PTPRD: variants seen among roughly 807,000 people sequenced by gnomAD.
The protein encoded by PTPRD is receptor-type tyrosine-protein phosphatase delta.
In PTPRD, 34 loss-of-function variants were observed where a neutral mutation model predicts 214.5. The ratio of observed to expected loss-of-function variants is 0.16; its 90% CI spans 0.12 to 0.21. The LOEUF is 0.21. PTPRD is among the 10% of genes least tolerant of loss of function. PTPRD has a pLI of 1.00. For missense variants in PTPRD, 2,545 were observed against 2,398.7 expected (o/e 1.06, Z -1.27); for synonymous variants, 1,128 against 845.7 (o/e 1.33, Z -5.79).
chr9:9,529,657 C>G (rs1220039850), intron 8 of PTPRD, among the ~76,000 whole-genome samples: 1 of 151,932 alleles, frequency 6.6e-6, no homozygotes, highest in Non-Finnish European at 1.5e-5. Context: ...TGAAGATAAA[C>G]AGCAACTCTC....
intron 2 of PTPRD, among the ~76,000 whole-genome samples, chr9:10,384,671 T>C (rs2097882384): frequency 1.3e-5 from 2 of 150,734 alleles, no homozygotes; most frequent in Non-Finnish European, 3.0e-5. Context: ...GTATAAGAAA[T>C]AAGAACGTTT....
At chr9:9,099,010 G>T (rs943767276) in intron 10 of PTPRD, among the ~76,000 whole-genome samples, 5 of 152,204 alleles carry the variant, frequency 3.3e-5, no homozygotes, top group African/African-American at 1.2e-4. Flanking sequence ...TGATAAAATT[G>T]AATGGGTAAT....
intron 11 of PTPRD, among the ~76,000 whole-genome samples, chr9:8,874,951 G>C (rs995160597): frequency 6.6e-6 from 1 of 152,150 alleles, no homozygotes; most frequent in Non-Finnish European, 1.5e-5. Context: ...TGGATGCAGA[G>C]GAGATTCACT....
At chr9:9,137,663 A>G (rs1466923917) in intron 10 of PTPRD, among the ~76,000 whole-genome samples, 2 of 152,174 alleles carry the variant, frequency 1.3e-5, no homozygotes, top group Non-Finnish European at 2.9e-5. Flanking sequence ...TAACAAATTT[A>G]TTAAGCAAAA....
At chr9:9,114,724 A>C (rs1459061459) in intron 10 of PTPRD, among the ~76,000 whole-genome samples, 2 of 152,128 alleles carry the variant, frequency 1.3e-5, no homozygotes, top group Non-Finnish European at 1.5e-5. Flanking sequence ...AAATCAATGT[A>C]ACCCTTTTGC....
At chr9:8,983,839 T>G (rs2099326494) in intron 11 of PTPRD, among the ~76,000 whole-genome samples, 1 of 152,036 alleles carries the variant, frequency 6.6e-6, no homozygotes, top group South Asian at 2.1e-4. Context: ...AATCTCATCT[T>G]TACTATAACT....
At chr9:8,500,557 T>TAAAAAAAAA (rs2097373324) in intron 24 of PTPRD, among the ~76,000 whole-genome samples, 197 bp downstream of exon 24, 2 of 4,340 alleles carry the variant, frequency 4.6e-4, no homozygotes, top group African/African-American at 1.6e-3. Context: ...TTGAAAAAAA[T>TAAAAAAAAA]GAAAAAAAAA....
intron 9 of PTPRD, among the ~76,000 whole-genome samples, chr9:9,228,107 T>C (rs12336488): frequency 0.26 from 39,684 of 152,042 alleles, 5,940 homozygotes; most frequent in Middle Eastern, 0.35. Context: ...AATGTACAAA[T>C]ATAGATGAAT....
intron 9 of PTPRD, among the ~76,000 whole-genome samples, chr9:9,366,783 T>C (rs2058007891): frequency 1.3e-5 from 2 of 151,448 alleles, no homozygotes; most frequent in East Asian, 3.9e-4. Flanking sequence ...CAAAATAAGG[T>C]CCTCATTATT....
intron 10 of PTPRD, among the ~76,000 whole-genome samples, chr9:9,148,300 G>A (rs953881941): frequency 6.6e-6 from 1 of 152,066 alleles, no homozygotes; most frequent in African/African-American, 2.4e-5. Context: ...TTTGGAAGCT[G>A]AATCTCAGTG....
chr9:9,384,375 T>TTTTTTTC, intron 9 of PTPRD, among the ~76,000 whole-genome samples: 1 of 92,214 alleles, frequency 1.1e-5, no homozygotes, highest in Non-Finnish European at 2.2e-5. Flanking sequence ...TTTTTTTTTT[T>TTTTTTTC]TTTTTTTTTC....
In PTPRD at chr9:8,316,377, C is replaced by G. The variant is rs1821775196; in HGVS notation, c.*1497G>C. ...ATGCAAAACTAAAACCAAAACGAAA[C>G]AAAGTACAGCACTTCCCAGGAATGC... is the stretch of plus-strand genomic sequence containing the variant. On this transcript the variant is annotated 3_prime_UTR_variant, in exon 46 of 46. Transcript: ENST00000381196. 2 of 231,568 alleles carry G rather than the reference C, an allele frequency of 8.6e-6. No homozygotes were observed. The highest frequency in any genetic ancestry group is 8.6e-6 in the Non-Finnish European group (1 of 116,760). The allele number at this position is 231,568 out of a possible 1,614,324, so 14.3% of individuals were successfully genotyped here. A position where few individuals can be genotyped will look rare whatever the true frequency, so the allele number is the denominator to read the frequency against.
chr9:9,101,116 A>AGAGT (rs2099790733), intron 10 of PTPRD, among the ~76,000 whole-genome samples: 1 of 145,956 alleles, frequency 6.9e-6, no homozygotes, highest in Non-Finnish European at 1.5e-5. Flanking sequence ...AGAGAGAGAG[A>AGAGT]GTAGAGAGCA....
intron 9 of PTPRD, among the ~76,000 whole-genome samples, chr9:9,234,781 C>T (rs984233518): frequency 3.9e-5 from 6 of 152,290 alleles, no homozygotes; most frequent in African/African-American, 1.4e-4. Context: ...CCACCTCAGC[C>T]TGGACTTCAT....
chr9:8,462,458 A>G (rs977656885), intron 32 of PTPRD, among the ~76,000 whole-genome samples: 5 of 152,026 alleles, frequency 3.3e-5, no homozygotes, highest in African/African-American at 1.2e-4. Flanking sequence ...AAAGCCTTCA[A>G]GAGGCTCTCT....
chr9:9,268,500 A>C (rs1941234779), intron 9 of PTPRD, among the ~76,000 whole-genome samples: 1 of 151,264 alleles, frequency 6.6e-6, no homozygotes, highest in Non-Finnish European at 1.5e-5. Context: ...TTTCCACAGA[A>C]ATAGAGAAAG....
intron 11 of PTPRD, among the ~76,000 whole-genome samples, chr9:8,804,363 G>A (rs115773698): frequency 2.6e-5 from 4 of 152,016 alleles, no homozygotes; most frequent in African/African-American, 4.8e-5. Flanking sequence ...TTTGGGAACC[G>A]AGAGCAGGAG....
chr9:10,550,219 G>C (rs1433500856), intron 2 of PTPRD, among the ~76,000 whole-genome samples: 2 of 152,076 alleles, frequency 1.3e-5, no homozygotes, highest in Non-Finnish European at 2.9e-5. Flanking sequence ...CTATCCACAA[G>C]TCCCCTTTGC....
intron 9 of PTPRD, among the ~76,000 whole-genome samples, chr9:9,350,161 G>A (rs980359777): frequency 1.3e-5 from 2 of 151,908 alleles, no homozygotes; most frequent in East Asian, 3.9e-4. Flanking sequence ...TCTTTTTTCA[G>A]CCTTAGTATC....
Sources: gnomAD v4.1 joint callset for allele counts (sites outside exome capture counted in the v4.1 genomes callset) on GRCh38, gnomAD v4.1.1 for gene constraint, MANE v1.5 for transcripts, NCBI Gene and HGNC (gene_info 2026-07-23, HGNC 2026-07-21) for gene names.